Variants in KIAA1549L observed in about 807,000 individuals in gnomAD.
The protein encoded by KIAA1549L is KIAA1549 like, also known as UPF0606 protein KIAA1549L.
A neutral mutation model predicts 160.7 loss-of-function variants in KIAA1549L; 88 were observed. The ratio of observed to expected loss-of-function variants is 0.55; its 90% confidence interval spans 0.46 to 0.65. The LOEUF is 0.65. Ranked by LOEUF, KIAA1549L falls within the 30% of genes least tolerant of loss-of-function variation. KIAA1549L has a pLI of 0.00. For synonymous variants in KIAA1549L, 950 were observed against 976.7 expected (o/e 0.97, Z 0.51); for missense variants, 2,258 against 2,437.5 (o/e 0.93, Z 1.55).
chr11:33,422,870 G>T (rs1851046643), intron 1 of KIAA1549L, among the ~76,000 whole-genome samples: 1 of 152,100 alleles, frequency 6.6e-6, no homozygotes, highest in Admixed American at 6.5e-5. Context: ...AAATGGCACT[G>T]CCCTTATGGC....
chr11:33,667,741 G>A (rs1435110019), intron 20 of KIAA1549L, 132 bp from the exon 21 acceptor site: 2 of 734,182 alleles, frequency 2.7e-6, no homozygotes, highest in Non-Finnish European at 4.4e-6. Context: ...ACAATGGTAT[G>A]TGGCTTCCAT....
At chr11:33,512,844 A>G (rs995864912) in intron 1 of KIAA1549L, among the ~76,000 whole-genome samples, 2 of 152,236 alleles carry the variant, frequency 1.3e-5, no homozygotes, top group Admixed American at 1.3e-4. Context: ...AATTTGCCCA[A>G]GGTTACACAG....
intron 1 of KIAA1549L, among the ~76,000 whole-genome samples, chr11:33,456,343 G>A (rs1236353813): frequency 2.0e-5 from 3 of 152,154 alleles, no homozygotes; most frequent in South Asian, 2.1e-4. Flanking sequence ...GTTAATGGAA[G>A]TATGATTGGC....
At position 33,599,016 on chromosome 11, in the gene KIAA1549L, C is replaced by T. The variant is rs1196262555; in HGVS notation, c.4879+69C>T. 6 of 1,548,786 alleles carry T rather than the reference C, an allele frequency of 3.9e-6. No homozygotes were observed. The East Asian group carries it at 9.1e-5, about 23-fold the overall frequency. On this transcript the variant is annotated intron_variant, in intron 13 of 20. Coordinates refer to ENST00000658780, the MANE Select transcript of KIAA1549L (RefSeq NM_012194.3). ...GCGTGCCCGCACACACATGCGTGCA[C>T]ACGTGTGCACAAACTCACACACAGC...
intron 11 of KIAA1549L, among the ~76,000 whole-genome samples, chr11:33,583,982 A>G (rs1200108726): frequency 6.6e-6 from 1 of 152,174 alleles, no homozygotes; most frequent in Non-Finnish European, 1.5e-5. Flanking sequence ...CTGACCCCCA[A>G]TATGATGGTA....
chr11:33,429,546 G>A (rs1851189038), intron 1 of KIAA1549L, among the ~76,000 whole-genome samples: 1 of 152,124 alleles, frequency 6.6e-6, no homozygotes, highest in Admixed American at 6.5e-5. Context: ...CAGCATTTAA[G>A]GAAGGATCAC....
intron 8 of KIAA1549L, among the ~76,000 whole-genome samples, chr11:33,566,677 T>G (rs1225640730): frequency 6.6e-6 from 1 of 152,232 alleles, no homozygotes; most frequent in Non-Finnish European, 1.5e-5. Context: ...ATTCTCTGTA[T>G]CTGTTGTCGC....
intron 1 of KIAA1549L, among the ~76,000 whole-genome samples, chr11:33,402,440 T>A (rs1454447104): frequency 2.6e-5 from 4 of 152,196 alleles, no homozygotes; most frequent in Non-Finnish European, 2.9e-5. Flanking sequence ...CTATTTCTGG[T>A]CGCCTTGTGG....
intron 12 of KIAA1549L, among the ~76,000 whole-genome samples, chr11:33,597,712 A>G (rs1850237905): frequency 6.6e-6 from 1 of 152,172 alleles, no homozygotes; most frequent in Non-Finnish European, 1.5e-5. Flanking sequence ...AGAAGATGAG[A>G]GTCCCGCCCT....
rs948976270 is a variant in KIAA1549L, at chr11:33,502,986, G to A, written c.239-38816G>A. 3.9e-5 allele frequency among the ~76,000 whole-genome samples: 6 copies of A among 152,140 alleles called. No homozygotes were observed. In the East Asian group the frequency reaches 5.8e-4, roughly 15 times the overall value. On this transcript the variant is annotated intron_variant, in intron 1 of 20. Coordinates refer to ENST00000658780, the MANE Select transcript of KIAA1549L (RefSeq NM_012194.3). ...AAACTTTATATGAAGTATAACATAC[G>A]TAATAGAAAAATGCACACACTGTAA... is the stretch of plus-strand genomic sequence containing the variant.
At chr11:33,496,054 C>A (rs1852810958) in intron 1 of KIAA1549L, among the ~76,000 whole-genome samples, 1 of 152,212 alleles carries the variant, frequency 6.6e-6, no homozygotes, top group South Asian at 2.1e-4. Flanking sequence ...CCTCTGCCTC[C>A]TGGGTTCAAG....
At position 33,534,100 on chromosome 11, in the gene KIAA1549L, A is replaced by AT. The variant is rs1016893986; in HGVS notation, c.239-7692dup. On this transcript the variant is annotated intron_variant, in intron 1 of 20. Coordinates refer to ENST00000658780, the MANE Select transcript of KIAA1549L (RefSeq NM_012194.3). Reference sequence around the variant, plus strand: ...GTAGGATTTACCTTTGCTTTCCACAATTTTTTTTTTGAGACAGAGTCTTGC... The same window carrying AT: ...GTAGGATTTACCTTTGCTTTCCACAATTTTTTTTTTTGAGACAGAGTCTTGC... Among the ~76,000 whole-genome samples the AT allele has an allele frequency of 1.9e-4, 28 of 149,616 alleles. 1 individual carries two copies. Among genetic ancestry groups the AT allele is most frequent in the East Asian group, 3.9e-4 (2 of 5,110 alleles).
rs546146770 is a variant in KIAA1549L at position 33,476,654 on chromosome 11, T to A, written c.239-65148T>A. On this transcript the variant is annotated intron_variant, in intron 1 of 20. Transcript: ENST00000658780. ...ATCCCTGGAATTCTCAAGCTCACCATTCTTTCAGAACCTTGCAGTTCCTTC... is the reference window on the plus strand; with the variant it reads ...ATCCCTGGAATTCTCAAGCTCACCAATCTTTCAGAACCTTGCAGTTCCTTC... Among the ~76,000 whole-genome samples the A allele has an allele frequency of 1.8e-4, 27 of 152,310 alleles. 1 individual carries two copies. In the South Asian group the frequency reaches 5.0e-3, roughly 28 times the overall value.
intron 16 of KIAA1549L, among the ~76,000 whole-genome samples, chr11:33,639,456 T>A (rs1334851583): frequency 3.9e-5 from 6 of 152,192 alleles, no homozygotes; most frequent in Non-Finnish European, 1.5e-5. Context: ...AAACTATAAT[T>A]ACGTGTATAT....
intron 1 of KIAA1549L, among the ~76,000 whole-genome samples, chr11:33,467,884 G>GAA (rs1295397059): frequency 3.2e-4 from 49 of 152,070 alleles, no homozygotes; most frequent in African/African-American, 1.1e-3. Context: ...AGTTAAAAAA[G>GAA]AAAGAGAAAA....
chr11:33,550,988 T>TA, intron 4 of KIAA1549L, 52 bp from the exon 5 acceptor site: 1 of 1,466,476 alleles, frequency 6.8e-7, no homozygotes, highest in Non-Finnish European at 9.6e-7. Context: ...AGGAAGAACT[T>TA]AAAGTGCTGT....
At chr11:33,461,627 A>G (rs1463632738) in intron 1 of KIAA1549L, among the ~76,000 whole-genome samples, 1 of 152,240 alleles carries the variant, frequency 6.6e-6, no homozygotes, top group Non-Finnish European at 1.5e-5. Context: ...AAGGACCTGT[A>G]TGTTGCTATT....
chr11:33,588,841 A>G lies in KIAA1549L; in HGVS notation c.4567-2396A>G, dbSNP rs1590373147. 2.0e-5 allele frequency among the ~76,000 whole-genome samples: 3 copies of G among 152,180 alleles called. No homozygotes were observed. In the East Asian group the frequency reaches 5.8e-4, roughly 29 times the overall value. ...TCTCAGAGAAGAGAAGGGGGTGATT[A>G]TACTTCCCAGAGTGAGTTTCTCAGG... On this transcript the variant is annotated intron_variant, in intron 11 of 20. Transcript: ENST00000658780.
chr11:33,503,582 T>C (rs1184734253), intron 1 of KIAA1549L, among the ~76,000 whole-genome samples: 4 of 152,252 alleles, frequency 2.6e-5, no homozygotes, highest in African/African-American at 9.6e-5. Context: ...CAAAGTTCTT[T>C]TAAATAAGTG....
Sources: gnomAD v4.1 joint callset for allele counts (sites outside exome capture counted in the v4.1 genomes callset) on GRCh38, gnomAD v4.1.1 for gene constraint, MANE v1.5 for transcripts, NCBI Gene and HGNC (gene_info 2026-07-23, HGNC 2026-07-21) for gene names.